CLSTN2: variants seen among roughly 807,000 people sequenced by gnomAD.
The protein encoded by CLSTN2 is calsyntenin 2.
In CLSTN2, 48 loss-of-function variants were observed where a neutral mutation model predicts 101.2. That is an observed-to-expected ratio of 0.47 (90% CI 0.38 to 0.60). CLSTN2 has a LOEUF of 0.60. Ranked by LOEUF, CLSTN2 falls within the 20% of genes least tolerant of loss-of-function variation. The probability of loss-of-function intolerance (pLI) is 0.00; values close to 1 mark genes in which losing one functional copy is unlikely to be tolerated. For synonymous variants in CLSTN2, 481 were observed against 463.6 expected (o/e 1.04, Z -0.48); for missense variants, 1,160 against 1,238.2 (o/e 0.94, Z 0.95).
chr3:140,513,583 C>CTTTTT lies in CLSTN2; in HGVS notation c.1345-18728_1345-18724dup, dbSNP rs55778787. ...CCTGAAGCTTTCTTTTTTTTTCTTT[C>CTTTTT]TTTTTTTTTTTTTTTTTGGGTGTGT... On this transcript the variant is annotated intron_variant, in intron 8 of 16. Transcript: ENST00000458420. Among the ~76,000 whole-genome samples, 567 of 117,322 alleles carry CTTTTT rather than the reference C, an allele frequency of 4.8e-3. 2 individuals carry two copies. The highest frequency in any genetic ancestry group is 6.4e-3 in the Non-Finnish European group (380 of 59,476). The allele number at this position is 117,322 out of a possible 152,430, so 77.0% of individuals were successfully genotyped here. A position where few individuals can be genotyped will look rare whatever the true frequency, so the allele number is the denominator to read the frequency against.
At position 140,228,423 on chromosome 3, in the gene CLSTN2, TG is replaced by T. The variant is rs533854090; in HGVS notation, c.232+52353del. Among the ~76,000 whole-genome samples, 560 of 152,332 alleles carry T rather than the reference TG, an allele frequency of 3.7e-3. 6 individuals carry two copies. Among genetic ancestry groups the T allele is most frequent in the Non-Finnish European group, 3.0e-3 (206 of 68,032 alleles). On this transcript the variant is annotated intron_variant, in intron 2 of 16. Coordinates refer to ENST00000458420, the MANE Select transcript of CLSTN2 (RefSeq NM_022131.3). ...ATATTCCATATCACTATTAACATTT[TG>T]GGCAAAGCCATCAACAAGTCTCTAG...
intron 10 of CLSTN2, among the ~76,000 whole-genome samples, chr3:140,548,629 G>A (rs1325826253): frequency 6.6e-6 from 1 of 152,214 alleles, no homozygotes; most frequent in Non-Finnish European, 1.5e-5. Context: ...CCAAAAGTGT[G>A]AGTGATGAGA....
chr3:140,351,911 G>C (rs1161829141), intron 2 of CLSTN2, among the ~76,000 whole-genome samples: 1 of 151,758 alleles, frequency 6.6e-6, no homozygotes, highest in African/African-American at 2.4e-5. Flanking sequence ...CAAGAGTACT[G>C]ATATGTGTAG....
At chr3:140,408,728 G>A (rs2088332038) in intron 4 of CLSTN2, among the ~76,000 whole-genome samples, 1 of 152,096 alleles carries the variant, frequency 6.6e-6, no homozygotes. Context: ...CCCAACCCAG[G>A]AACCCAGGGA....
rs1204576941 is a variant in CLSTN2 at position 140,572,898 on chromosome 3, T to A, written c.*6645T>A. On this transcript the variant is annotated 3_prime_UTR_variant, in exon 17 of 17. Coordinates refer to ENST00000458420, the MANE Select transcript of CLSTN2 (RefSeq NM_022131.3). The stretch of plus-strand genomic sequence containing the variant: ...AGCCCCCATCCTGGGCCTTTTTGGC[T>A]CCAGTTTATACTCACTGAAGCAGTG... 6.6e-6 allele frequency: 1 copy of A among 152,356 alleles called. No individual in the cohort carries two copies. The highest frequency in any genetic ancestry group is 1.5e-5 in the Non-Finnish European group (1 of 68,180). 9.4% of individuals were successfully genotyped at this position (152,356 alleles called of 1,614,324 possible).
chr3:140,499,043 C>A (rs1442983998), intron 8 of CLSTN2, among the ~76,000 whole-genome samples: 2 of 151,976 alleles, frequency 1.3e-5, no homozygotes, highest in African/African-American at 2.4e-5. Flanking sequence ...TACTATATGC[C>A]CAACAGTGCA....
At chr3:140,439,828 G>T (rs533424674) in intron 5 of CLSTN2, among the ~76,000 whole-genome samples, 22 of 152,332 alleles carry the variant, frequency 1.4e-4, no homozygotes, top group African/African-American at 4.3e-4. Flanking sequence ...TTTGGCAGCT[G>T]GTTGGGGCTA....
intron 9 of CLSTN2, among the ~76,000 whole-genome samples, chr3:140,544,763 G>A (rs777129537): frequency 9.2e-5 from 14 of 152,012 alleles, no homozygotes; most frequent in Non-Finnish European, 1.6e-4. Flanking sequence ...ATGCAGGGGA[G>A]GGGTCCCAGG....
At chr3:140,049,642 AG>A (rs1164156050) in intron 1 of CLSTN2, among the ~76,000 whole-genome samples, 3 of 152,118 alleles carry the variant, frequency 2.0e-5, no homozygotes, top group African/African-American at 7.2e-5. Context: ...CTGGCTCAAA[AG>A]TTTCCTTTTG....
chr3:140,475,255 A>G (rs1033639592), intron 8 of CLSTN2, among the ~76,000 whole-genome samples: 2 of 152,182 alleles, frequency 1.3e-5, no homozygotes, highest in Non-Finnish European at 2.9e-5. Context: ...GAAGGAAGGG[A>G]AGTTTAACAA....
At chr3:140,357,540 C>A (rs2087684330) in intron 2 of CLSTN2, among the ~76,000 whole-genome samples, 7 of 152,004 alleles carry the variant, frequency 4.6e-5, no homozygotes, top group Admixed American at 2.6e-4. Context: ...GGAGAGGTTG[C>A]CATGACCTGG....
rs1365995043 is a variant in CLSTN2 at position 140,171,818 on chromosome 3, TATTATATATA to T, written c.110-4130_110-4121del. On this transcript the variant is annotated intron_variant, in intron 1 of 16. Transcript: ENST00000458420. ...TATATAATATGTATTATATATTATA[TATTATATATA>T]ATAACAATATATAATATAATATATA... 2.9e-5 allele frequency among the ~76,000 whole-genome samples: 3 copies of T among 101,782 alleles called. 1 individual carries two copies. The highest frequency in any genetic ancestry group is 1.2e-4 in the African/African-American group (3 of 25,750). 66.8% of individuals were successfully genotyped at this position (101,782 alleles called of 152,430 possible).
At chr3:140,282,053 G>C (rs1452902708) in intron 2 of CLSTN2, among the ~76,000 whole-genome samples, 1 of 152,064 alleles carries the variant, frequency 6.6e-6, no homozygotes, top group East Asian at 1.9e-4. Flanking sequence ...GTGTGTATAG[G>C]GTAGATAGGT....
chr3:140,136,417 C>T (rs548207346), intron 1 of CLSTN2, among the ~76,000 whole-genome samples: 19 of 152,288 alleles, frequency 1.2e-4, no homozygotes, highest in South Asian at 6.2e-4. Flanking sequence ...AATTGTCCTA[C>T]GGATTAAGAT....
intron 1 of CLSTN2, among the ~76,000 whole-genome samples, chr3:140,148,947 A>G (rs1287129732): frequency 6.6e-6 from 1 of 152,140 alleles, no homozygotes; most frequent in Non-Finnish European, 1.5e-5. Context: ...GTGGTTTACT[A>G]TGGGGGAGAG....
chr3:140,437,339 A>C (rs146378832), intron 5 of CLSTN2, among the ~76,000 whole-genome samples: 153 of 152,190 alleles, frequency 1.0e-3, no homozygotes, highest in African/African-American at 3.5e-3. Context: ...TGAGCCACCA[A>C]GCCCAGCCAG....
intron 1 of CLSTN2, among the ~76,000 whole-genome samples, chr3:139,953,096 T>G (rs999862892): frequency 3.3e-5 from 5 of 152,110 alleles, no homozygotes; most frequent in African/African-American, 1.2e-4. Flanking sequence ...TGGGGCTTCC[T>G]CCCCAGAGGG....
chr3:140,158,878 A>G (rs970682711), intron 1 of CLSTN2, among the ~76,000 whole-genome samples: 1 of 152,198 alleles, frequency 6.6e-6, no homozygotes, highest in Non-Finnish European at 1.5e-5. Flanking sequence ...AAAGCCGCAC[A>G]GGTACAGCCA....
intron 2 of CLSTN2, among the ~76,000 whole-genome samples, chr3:140,301,119 A>G (rs550469746): frequency 2.6e-5 from 4 of 152,318 alleles, no homozygotes; most frequent in African/African-American, 9.6e-5. Flanking sequence ...ACTGAGGAGG[A>G]CAGTCTACTT....
Sources: gnomAD v4.1 joint callset for allele counts (sites outside exome capture counted in the v4.1 genomes callset) on GRCh38, gnomAD v4.1.1 for gene constraint, MANE v1.5 for transcripts, NCBI Gene and HGNC (gene_info 2026-07-23, HGNC 2026-07-21) for gene names.